RGPD2: variants seen among roughly 807,000 people sequenced by gnomAD.
The protein encoded by RGPD2 is RANBP2-like and GRIP domain-containing protein 2.
Under a neutral mutation model 36.0 loss-of-function variants are expected in RGPD2, and 2 were observed. That is an observed-to-expected ratio of 0.06 (90% CI 0.02 to 0.17). RGPD2 has a LOEUF of 0.17. RGPD2 is among the 10% of genes least tolerant of loss of function. The pLI is 1.00. For synonymous variants in RGPD2, 19 were observed against 163.8 expected (o/e 0.12, Z 6.75); for missense variants, 40 against 464.3 (o/e 0.09, Z 8.40).
chr2:87,807,344 C>T (rs1574017756), intron 6 of RGPD2, among the ~76,000 whole-genome samples: 1 of 139,398 alleles, frequency 7.2e-6, no homozygotes, highest in Admixed American at 7.0e-5. Context: ...ACAGCAATTG[C>T]TCTTTTTACT....
At chr2:87,951,311 A>G in the RGPD2 span, among the ~76,000 whole-genome samples, 1,278 of 151,630 alleles carry the variant, frequency 8.4e-3, 12 homozygotes, top group African/African-American at 0.03. Context: ...AACCAAGAAC[A>G]TGCGTACCAA....
chr2:87,948,032 G>A, the RGPD2 span, among the ~76,000 whole-genome samples: 87 of 152,224 alleles, frequency 5.7e-4, no homozygotes, highest in African/African-American at 2.0e-3. Flanking sequence ...GCCGCGGTCC[G>A]CCACCACACC....
the RGPD2 span, among the ~76,000 whole-genome samples, chr2:87,856,664 C>G: frequency 1.3e-5 from 2 of 151,766 alleles, no homozygotes; most frequent in Non-Finnish European, 2.9e-5. Context: ...GGCCCAGCTG[C>G]TTATGTTGCA....
At chr2:87,989,512 G>A in the RGPD2 span, among the ~76,000 whole-genome samples, 1 of 152,052 alleles carries the variant, frequency 6.6e-6, no homozygotes, top group Non-Finnish European at 1.5e-5. Flanking sequence ...TAATAATACA[G>A]AAACTGTAGA....
chr2:87,840,610 A>C, the RGPD2 span, among the ~76,000 whole-genome samples: 2 of 151,984 alleles, frequency 1.3e-5, no homozygotes, highest in African/African-American at 4.8e-5. Context: ...CAGTTTTAGA[A>C]AGGTAAAACT....
chr2:87,857,282 A>G, the RGPD2 span, among the ~76,000 whole-genome samples: 2 of 152,238 alleles, frequency 1.3e-5, no homozygotes, highest in Admixed American at 1.3e-4. Flanking sequence ...ATGGCTTACT[A>G]AATAAGTAAT....
chr2:87,919,439 T>C, the RGPD2 span, among the ~76,000 whole-genome samples: 20 of 151,374 alleles, frequency 1.3e-4, no homozygotes, highest in African/African-American at 4.4e-4. Context: ...AAGAGGACCA[T>C]GTTTGGCTGC....
At chr2:87,843,655 A>G in the RGPD2 span, among the ~76,000 whole-genome samples, 118,650 of 151,042 alleles carry the variant, frequency 0.79, 47,372 homozygotes, top group East Asian at 1. Flanking sequence ...TCAGTGTGGC[A>G]ATTCCTCAGG....
chr2:87,825,456 G>A (rs999292669), intron 1 of RGPD2, among the ~76,000 whole-genome samples: 2 of 101,928 alleles, frequency 2.0e-5, no homozygotes, highest in Non-Finnish European at 4.0e-5. Context: ...GCCAGGCCGA[G>A]GCCGAGGCCG....
At chr2:87,930,694 T>C in the RGPD2 span, among the ~76,000 whole-genome samples, 4 of 151,088 alleles carry the variant, frequency 2.6e-5, no homozygotes, top group African/African-American at 9.7e-5. Context: ...CCTCTGATCC[T>C]GGGCTTTTTT....
chr2:87,772,833 G>A (rs1334599675), intron 21 of RGPD2, among the ~76,000 whole-genome samples: 1 of 151,008 alleles, frequency 6.6e-6, no homozygotes, highest in Non-Finnish European at 1.5e-5. Flanking sequence ...AAGTATCACT[G>A]ACAGGAGAGG....
Position 87,825,764 on chromosome 2 carries a change from C to T in RGPD2, c.-35G>A. The T allele has an allele frequency of 6.4e-7, 1 of 1,568,820 alleles. No homozygotes were observed. Among genetic ancestry groups the T allele is most frequent in the Non-Finnish European group, 8.6e-7 (1 of 1,156,966 alleles). On this transcript the variant is annotated 5_prime_UTR_variant, in exon 1 of 23. Coordinates refer to ENST00000398146, the MANE Select transcript of RGPD2 (RefSeq NM_001078170.3). ...AACCTGGCTCCCGAGACGCGTGAAA[C>T]CAGCGCTCAGCCCCGCAGCAGTCGC...
At chr2:87,853,488 C>T in the RGPD2 span, among the ~76,000 whole-genome samples, 5 of 151,558 alleles carry the variant, frequency 3.3e-5, no homozygotes, top group Non-Finnish European at 7.4e-5. Flanking sequence ...CCTCCCAAAG[C>T]ACTGGGATTA....
At chr2:87,870,088 G>A in the RGPD2 span, among the ~76,000 whole-genome samples, 2 of 152,250 alleles carry the variant, frequency 1.3e-5, no homozygotes, top group African/African-American at 4.8e-5. Flanking sequence ...GATTAAAAAT[G>A]TATATCTAAC....
At chr2:87,938,164 G>A in the RGPD2 span, among the ~76,000 whole-genome samples, 3 of 151,588 alleles carry the variant, frequency 2.0e-5, no homozygotes, top group Non-Finnish European at 4.4e-5. Flanking sequence ...CATTAAAATG[G>A]AGCTAAAGAT....
chr2:87,829,290 T>C (rs376188795), upstream of RGPD2, among the ~76,000 whole-genome samples: 3 of 109,818 alleles, frequency 2.7e-5, no homozygotes, highest in East Asian at 8.0e-4. Flanking sequence ...TTAAATGATA[T>C]AGATATTTTA....
intron 22 of RGPD2, among the ~76,000 whole-genome samples, chr2:87,769,694 A>T (rs1685067127): frequency 6.6e-6 from 1 of 151,942 alleles, no homozygotes. Flanking sequence ...AACTATTGAA[A>T]ACTTTAATTT....
At chr2:87,921,141 T>C in the RGPD2 span, among the ~76,000 whole-genome samples, 5 of 150,940 alleles carry the variant, frequency 3.3e-5, no homozygotes, top group African/African-American at 1.2e-4. Flanking sequence ...TTTGAACTGA[T>C]CAACATAACA....
the RGPD2 span, among the ~76,000 whole-genome samples, chr2:87,922,339 G>A: frequency 2.7e-5 from 4 of 145,954 alleles, no homozygotes; most frequent in African/African-American, 5.0e-5. Context: ...AGGTTTATAT[G>A]TATAGTAACT....
Sources: gnomAD v4.1 joint callset for allele counts (sites outside exome capture counted in the v4.1 genomes callset) on GRCh38, gnomAD v4.1.1 for gene constraint, MANE v1.5 for transcripts, NCBI Gene and HGNC (gene_info 2026-07-23, HGNC 2026-07-21) for gene names.